The following KCNK12 variants were observed in gnomAD, a reference collection of about 807,000 sequenced individuals.
KCNK12 encodes the protein potassium channel subfamily K member 12.
KCNK12 carries 6 observed loss-of-function variants against 25.3 expected under a neutral mutation model. That is an observed-to-expected ratio of 0.24 (90% CI 0.13 to 0.47). The LOEUF is 0.47. Ranked by LOEUF, KCNK12 falls within the 20% of genes least tolerant of loss-of-function variation. The pLI, the probability that KCNK12 is intolerant of heterozygous loss-of-function variation, is 0.99. For synonymous variants in KCNK12, 331 were observed against 311.1 expected (o/e 1.06, Z -0.67); for missense variants, 444 against 661.7 (o/e 0.67, Z 3.61).
rs946573259 is a variant in KCNK12, at chr2:47,560,182, C to A, written c.391+9759G>T. On this transcript the variant is annotated intron_variant, in intron 1 of 1. Transcript: ENST00000327876. This position sits in a 1 kb window ranked among gnomAD's most constrained non-coding sequence, Gnocchi z 4.7. ...CTGTCCCGCCTGTCCATGCCCACTG[C>A]AGCTGTTTCCAGTGCAAGGCTGAGG... Among the ~76,000 whole-genome samples the A allele has an allele frequency of 1.3e-5, 2 of 152,206 alleles. No individual in the cohort carries two copies. The highest frequency in any genetic ancestry group is 2.4e-5 in the African/African-American group (1 of 41,446).
chr2:47,555,290 T>C lies in KCNK12; in HGVS notation c.391+14651A>G, dbSNP rs1449868438. Among the ~76,000 whole-genome samples the C allele has an allele frequency of 1.3e-5, 2 of 152,138 alleles. No homozygotes were observed. Among genetic ancestry groups the C allele is most frequent in the Non-Finnish European group, 2.9e-5 (2 of 68,028 alleles). On this transcript the variant is annotated intron_variant, in intron 1 of 1. Coordinates refer to ENST00000327876, the MANE Select transcript of KCNK12 (RefSeq NM_022055.2). This position sits in a 1 kb window ranked among gnomAD's most constrained non-coding sequence, Gnocchi z 4.5. ...AAGGATTGTTTTGAGCTGCAGGCAA[T>C]TTGGAAGCAGCAGATGCAAAGAAAG...
At position 47,520,784 on chromosome 2, in the gene KCNK12, A is replaced by AC; in HGVS notation, c.*122_*123insG. ...GGCCAAATAGTATTTCTTTAAAAAA[A>AC]TTTTTTTTGTTTCATTTTATTGGAT... On this transcript the variant is annotated 3_prime_UTR_variant, in exon 2 of 2. Coordinates refer to ENST00000327876, the MANE Select transcript of KCNK12 (RefSeq NM_022055.2). This position sits in a 1 kb window ranked among gnomAD's most constrained non-coding sequence, Gnocchi z 5.0. 1.4e-6 allele frequency: 1 copy of AC among 726,324 alleles called. No homozygotes were observed. Among genetic ancestry groups the AC allele is most frequent in the Non-Finnish European group, 1.9e-6 (1 of 526,678 alleles). 45.0% of individuals were successfully genotyped at this position (726,324 alleles called of 1,614,324 possible).
intron 1 of KCNK12, among the ~76,000 whole-genome samples, chr2:47,532,757 C>T (rs1318813725): frequency 1.3e-5 from 2 of 152,172 alleles, no homozygotes; most frequent in Admixed American, 6.5e-5. Flanking sequence ...AAGCCTAGCA[C>T]CTGGCATTGT....
At chr2:47,549,999 T>C (rs1050661115) in intron 1 of KCNK12, among the ~76,000 whole-genome samples, 1 of 149,772 alleles carries the variant, frequency 6.7e-6, no homozygotes, top group Non-Finnish European at 1.5e-5. Flanking sequence ...GTTAACAACA[T>C]ACTAAAGACT....
chr2:47,543,079 A>G (rs1002639064), intron 1 of KCNK12, among the ~76,000 whole-genome samples: 1 of 152,110 alleles, frequency 6.6e-6, no homozygotes, highest in Non-Finnish European at 1.5e-5. Context: ...GTAGGTGTGC[A>G]CTACTGTGCT....
rs972900453 is a variant in KCNK12 at position 47,569,492 on chromosome 2, C to G, written c.391+449G>C. Among the ~76,000 whole-genome samples, 1 of 151,966 alleles carries G rather than the reference C, an allele frequency of 6.6e-6. No homozygotes were observed. Among genetic ancestry groups the G allele is most frequent in the Non-Finnish European group, 1.5e-5 (1 of 67,992 alleles). ...AGTTAGAGGCCACTGAGGGAGAAAA[C>G]AGGGTAAAAGAAGAAAGCGGGGGAG... On this transcript the variant is annotated intron_variant, in intron 1 of 1. Coordinates refer to ENST00000327876, the MANE Select transcript of KCNK12 (RefSeq NM_022055.2). This position sits in a 1 kb window ranked among gnomAD's most constrained non-coding sequence, Gnocchi z 4.1.
rs991475665 is a variant in KCNK12 at position 47,565,955 on chromosome 2, C to T, written c.391+3986G>A. On this transcript the variant is annotated intron_variant, in intron 1 of 1. Transcript: ENST00000327876. The surrounding 1 kb of genome is among the most constrained non-coding windows in gnomAD (Gnocchi z 5.0). ...AATTGGCAGAATGAATAAATGGATA[C>T]ATTCACATTAAAACAAACTTGATTT... The T allele has an allele frequency of 2.0e-5, 3 of 152,296 alleles. No homozygotes were observed. The highest frequency in any genetic ancestry group is 2.9e-5 in the Non-Finnish European group (2 of 68,028). 9.4% of individuals were successfully genotyped at this position (152,296 alleles called of 1,614,324 possible). A position where few individuals can be genotyped will look rare whatever the true frequency, so the allele number is the denominator to read the frequency against.
Position 47,555,217 on chromosome 2 carries a change from T to C in KCNK12, c.391+14724A>G, listed in dbSNP as rs1669527308. 6.6e-6 allele frequency among the ~76,000 whole-genome samples: 1 copy of C among 152,182 alleles called. No homozygotes were observed. Among genetic ancestry groups the C allele is most frequent in the Non-Finnish European group, 1.5e-5 (1 of 68,028 alleles). ...GATAAATGGGTTTAAAGCCAAAGGG[T>C]GTGAGGGGGATCAGAGTATGCCATC... On this transcript the variant is annotated intron_variant, in intron 1 of 1. Coordinates refer to ENST00000327876, the MANE Select transcript of KCNK12 (RefSeq NM_022055.2). This position sits in a 1 kb window ranked among gnomAD's most constrained non-coding sequence, Gnocchi z 4.5.
intron 1 of KCNK12, among the ~76,000 whole-genome samples, chr2:47,530,593 A>G (rs1238395726): frequency 6.6e-6 from 1 of 152,180 alleles, no homozygotes; most frequent in Non-Finnish European, 1.5e-5. Flanking sequence ...CACGCGTATC[A>G]ATTCATTTAA....
In KCNK12 at chr2:47,562,089, C is replaced by T. The variant is rs888265269; in HGVS notation, c.391+7852G>A. The T allele has an allele frequency of 1.5e-5, 6 of 398,478 alleles. No homozygotes were observed. The South Asian group carries it at 3.8e-4, about 25-fold the overall frequency. The allele number at this position is 398,478 out of a possible 1,614,324, so 24.7% of individuals were successfully genotyped here. On this transcript the variant is annotated intron_variant, in intron 1 of 1. Transcript: ENST00000327876. The surrounding 1 kb of genome is among the most constrained non-coding windows in gnomAD (Gnocchi z 4.8). Reference sequence around the variant, plus strand: ...CTCACCGCTGTTCTCTCTACCCTAGCGACTCCAAGTGCATCAGCATAGGCA... The same window carrying T: ...CTCACCGCTGTTCTCTCTACCCTAGTGACTCCAAGTGCATCAGCATAGGCA...
At position 47,521,180 on chromosome 2, in the gene KCNK12, C is replaced by G; in HGVS notation, c.1020G>C (p.Arg340=). 7.6e-7 allele frequency: 1 copy of G among 1,319,298 alleles called. No individual in the cohort carries two copies. The highest frequency in any genetic ancestry group is 9.6e-7 in the Non-Finnish European group (1 of 1,037,772). 81.7% of individuals were successfully genotyped at this position (1,319,298 alleles called of 1,614,324 possible). ...CGAGCGCGGCCAGGCGGCGGCGCAG[C>G]CGGGAGCCTGGGGTGATGGCATTGC... ...ARRNAITPGS[R]LRRRLAALGA... is the part of the protein sequence containing the mutation. Residue 340 remains arginine (R), a synonymous_variant, in exon 2 of 2, where the codon CGG becomes CGC. Transcript: ENST00000327876.
chr2:47,510,280 CA>C lies in KCNK12; in HGVS notation c.*10626del, dbSNP rs1205383607. Reference sequence around the variant, plus strand: ...CCAGCCTTACCGATGGCATCACTGTCACTGCGCTAGCCCCAGACCACCTGCT... The same window carrying C: ...CCAGCCTTACCGATGGCATCACTGTCCTGCGCTAGCCCCAGACCACCTGCT... On this transcript the variant is annotated 3_prime_UTR_variant, in exon 2 of 2. Coordinates refer to ENST00000327876, the MANE Select transcript of KCNK12 (RefSeq NM_022055.2). 6.6e-6 allele frequency: 1 copy of C among 152,220 alleles called. No individual in the cohort carries two copies. Among genetic ancestry groups the C allele is most frequent in the African/African-American group, 2.4e-5 (1 of 41,458 alleles). The allele number at this position is 152,220 out of a possible 1,614,324, so 9.4% of individuals were successfully genotyped here. A position where few individuals can be genotyped will look rare whatever the true frequency, so the allele number is the denominator to read the frequency against.
At chr2:47,543,554 G>C (rs10191800) in intron 1 of KCNK12, 5 of 152,264 alleles carry the variant, frequency 3.3e-5, no homozygotes, top group African/African-American at 1.2e-4. Context: ...GTAGAAACCC[G>C]TGGGAAGCTC....
Position 47,521,012 on chromosome 2 carries a change from G to A in KCNK12, c.1188C>T (p.Tyr396=). ...QKQLSETANG[Y]PRSVCVNTRQ... ...GCGTGTTGACGCACACGCTGCGCGG[G>A]TAGCCGTTGGCCGTCTCCGACAGCT... The change falls in exon 2 of 2, where the codon TAC becomes TAT. Residue 396 remains tyrosine (Y), a synonymous_variant. Coordinates refer to ENST00000327876, the MANE Select transcript of KCNK12 (RefSeq NM_022055.2). 7.2e-7 allele frequency: 1 copy of A among 1,397,272 alleles called. No individual in the cohort carries two copies. The highest frequency in any genetic ancestry group is 9.3e-7 in the Non-Finnish European group (1 of 1,072,978). The allele number at this position is 1,397,272 out of a possible 1,614,324, so 86.6% of individuals were successfully genotyped here.
At chr2:47,553,731 T>C (rs888128488) in intron 1 of KCNK12, among the ~76,000 whole-genome samples, 1 of 152,216 alleles carries the variant, frequency 6.6e-6, no homozygotes. Flanking sequence ...CAAGTTTAAA[T>C]GTTTCCACCT....
chr2:47,512,450 C>T lies in KCNK12; in HGVS notation c.*8457G>A. ...GCTCTCATGACCTGGTGTCTGTTGCCTTCTGGTTAAGTTTTTCATTTGTAA... is the reference window on the plus strand; with the variant it reads ...GCTCTCATGACCTGGTGTCTGTTGCTTTCTGGTTAAGTTTTTCATTTGTAA... On this transcript the variant is annotated 3_prime_UTR_variant, in exon 2 of 2. Coordinates refer to ENST00000327876, the MANE Select transcript of KCNK12 (RefSeq NM_022055.2). 1 of 1,579,988 alleles carries T rather than the reference C, an allele frequency of 6.3e-7. No homozygotes were observed. Among genetic ancestry groups the T allele is most frequent in the Non-Finnish European group, 8.6e-7 (1 of 1,164,176 alleles).
rs898937880 is a variant in KCNK12 at position 47,512,250 on chromosome 2, T to C, written c.*8657A>G. 4.4e-6 allele frequency: 7 copies of C among 1,602,756 alleles called. No individual in the cohort carries two copies. The South Asian group carries it at 7.8e-5, about 18-fold the overall frequency. The stretch of plus-strand genomic sequence containing the variant: ...GATGTTTGCTGAGTATCGTTCTTGA[T>C]GGAAATCCCCGTGGAACTCCTACAT... On this transcript the variant is annotated 3_prime_UTR_variant, in exon 2 of 2. Transcript: ENST00000327876.
chr2:47,563,359 C>T (rs1302698568), intron 1 of KCNK12: 2 of 233,308 alleles, frequency 8.6e-6, no homozygotes, highest in Non-Finnish European at 1.7e-5. Flanking sequence ...GTGTGTGTGT[C>T]TGTGTGTGCT....
At position 47,518,546 on chromosome 2, in the gene KCNK12, T is replaced by C. The variant is rs1668575254; in HGVS notation, c.*2361A>G. On this transcript the variant is annotated 3_prime_UTR_variant, in exon 2 of 2. Transcript: ENST00000327876. The surrounding 1 kb of genome is among the most constrained non-coding windows in gnomAD (Gnocchi z 4.1). Reference sequence around the variant, plus strand: ...CAACAGAGAAGACTGCCAAGAAACATTTTGAGTTTTTCTTCTCTGGAGGTG... The same window carrying C: ...CAACAGAGAAGACTGCCAAGAAACACTTTGAGTTTTTCTTCTCTGGAGGTG... 6.6e-6 allele frequency: 1 copy of C among 152,120 alleles called. No homozygotes were observed. 9.4% of individuals were successfully genotyped at this position (152,120 alleles called of 1,614,324 possible). A position where few individuals can be genotyped will look rare whatever the true frequency, so the allele number is the denominator to read the frequency against.
Sources: allele counts gnomAD v4.1 joint callset (sites outside exome capture counted in the v4.1 genomes callset), GRCh38; gene constraint gnomAD v4.1.1; non-coding constraint Gnocchi (gnomAD v3.1); transcripts MANE v1.5; gene names NCBI Gene and HGNC (gene_info 2026-07-23, HGNC 2026-07-21).